SNX31: variants seen among roughly 807,000 people sequenced by gnomAD.
SNX31 encodes sorting nexin 31, also known as sorting nexin-31.
SNX31 carries 58 observed loss-of-function variants against 65.4 expected under a neutral mutation model. The ratio of observed to expected loss-of-function variants is 0.89; its 90% CI spans 0.72 to 1.10. The LOEUF is 1.10. SNX31 is among the 50% of genes least tolerant of loss of function. The pLI is 0.00. For missense variants in SNX31, 523 were observed against 529.7 expected, an observed-to-expected ratio of 0.99 and a Z score of 0.12; for synonymous variants, 181 against 190.1, an observed-to-expected ratio of 0.95 and a Z score of 0.39.
chr8:100,659,747 T>C (rs1009524891), intron 1 of SNX31, among the ~76,000 whole-genome samples: 3 of 152,224 alleles, frequency 2.0e-5, no homozygotes, highest in African/African-American at 4.8e-5. Context: ...TTGGTTTGGA[T>C]CTTTTGGCAA....
rs1814896710 is a variant in SNX31, at chr8:100,594,632, AAT to A, written c.978+2005_978+2006del. Reference sequence around the variant, plus strand: ...ATATTAGAATGACTACAATAAAAAAAATAGTGACAACACCAAATGCTGGTGAG... The same window carrying A: ...ATATTAGAATGACTACAATAAAAAAAAGTGACAACACCAAATGCTGGTGAG... On this transcript the variant is annotated intron_variant, in intron 10 of 13. Coordinates refer to ENST00000311812, the MANE Select transcript of SNX31 (RefSeq NM_152628.4). The surrounding 1 kb of genome is among the most constrained non-coding windows in gnomAD (Gnocchi z 4.0). 6.6e-6 allele frequency among the ~76,000 whole-genome samples: 1 copy of A among 152,264 alleles called. No individual in the cohort carries two copies. Among genetic ancestry groups the A allele is most frequent in the African/African-American group, 2.4e-5 (1 of 41,474 alleles).
chr8:100,581,515 T>C (rs1313294456), intron 12 of SNX31, among the ~76,000 whole-genome samples: 1 of 151,986 alleles, frequency 6.6e-6, no homozygotes, highest in Non-Finnish European at 1.5e-5. Flanking sequence ...AAGTTAACAA[T>C]ACATTTCTTT....
rs115332539 is a variant in SNX31 at position 100,605,407 on chromosome 8, T to C, written c.681+3087A>G. On this transcript the variant is annotated intron_variant, in intron 8 of 13. Transcript: ENST00000311812. ...TTGGACCCACCTTTGACTTCTTAGC[T>C]CCTCTACCCAGATTCAGGGAACAAT... 7.3e-3 allele frequency among the ~76,000 whole-genome samples: 1,107 copies of C among 152,190 alleles called. 21 individuals carry two copies. Among genetic ancestry groups the C allele is most frequent in the African/African-American group, 0.026 (1,063 of 41,506 alleles).
intron 4 of SNX31, chr8:100,618,007 C>A (rs1817377885): frequency 1.1e-6 from 1 of 873,424 alleles, no homozygotes; most frequent in African/African-American, 1.8e-5. Flanking sequence ...CTCAGGTGAT[C>A]CACCCTCCTT....
rs778796211 is a variant in SNX31 at position 100,625,409 on chromosome 8, A to G, written c.321+4918T>C. Among the ~76,000 whole-genome samples, 2 of 150,380 alleles carry G rather than the reference A, an allele frequency of 1.3e-5. No homozygotes were observed. Among genetic ancestry groups the G allele is most frequent in the Non-Finnish European group, 3.0e-5 (2 of 67,688 alleles). ...CTTGGATGCGCACCATGGCTATTAG[A>G]CATTCCTCTGCCTCAGAGCAGAATA... On this transcript the variant is annotated intron_variant, in intron 4 of 13. Transcript: ENST00000311812. The surrounding 1 kb of genome is among the most constrained non-coding windows in gnomAD (Gnocchi z 4.2).
intron 2 of SNX31, among the ~76,000 whole-genome samples, chr8:100,640,132 T>C (rs916684952): frequency 2.0e-5 from 3 of 152,106 alleles, no homozygotes; most frequent in Non-Finnish European, 2.9e-5. Flanking sequence ...TTTCTTTTCT[T>C]TTCTTTTTTT....
chr8:100,636,037 A>G, intron 2 of SNX31, 26 bp from the exon 3 acceptor site: 1 of 1,571,656 alleles, frequency 6.4e-7, no homozygotes, highest in Non-Finnish European at 8.8e-7. Context: ...AACACAGTTA[A>G]GGCAGGTGAG....
chr8:100,647,474 T>C (rs924224768), intron 2 of SNX31, among the ~76,000 whole-genome samples: 1 of 152,174 alleles, frequency 6.6e-6, no homozygotes, highest in Non-Finnish European at 1.5e-5. Context: ...TGAGTTTTCC[T>C]GAAAATAAGC....
In SNX31 at chr8:100,593,862, A is replaced by G. The variant is rs117128505; in HGVS notation, c.978+2777T>C. Among the ~76,000 whole-genome samples, 360 of 150,786 alleles carry G rather than the reference A, an allele frequency of 2.4e-3. 15 individuals are homozygous for G. In the East Asian group the frequency reaches 0.061, roughly 26 times the overall value. The stretch of plus-strand genomic sequence containing the variant: ...TAAAACTTTTAGGAAAAAAAATAGA[A>G]AAACTTCAGCATCTATAACAGGATT... On this transcript the variant is annotated intron_variant, in intron 10 of 13. Coordinates refer to ENST00000311812, the MANE Select transcript of SNX31 (RefSeq NM_152628.4).
intron 4 of SNX31, among the ~76,000 whole-genome samples, chr8:100,627,794 C>T (rs2131161638): frequency 6.6e-6 from 1 of 152,260 alleles, no homozygotes; most frequent in East Asian, 1.9e-4. Flanking sequence ...ACCTCAGCCT[C>T]CCAAAGTGCT....
chr8:100,587,753 A>G (rs1814180643), intron 11 of SNX31, among the ~76,000 whole-genome samples: 1 of 152,220 alleles, frequency 6.6e-6, no homozygotes, highest in Non-Finnish European at 1.5e-5. Flanking sequence ...AATTACCTTC[A>G]GGCTATGTGT....
At chr8:100,634,563 A>G (rs578232236) in intron 3 of SNX31, among the ~76,000 whole-genome samples, 2 of 152,190 alleles carry the variant, frequency 1.3e-5, no homozygotes, top group South Asian at 4.1e-4. Context: ...CCTGGCCAAC[A>G]TGGTGAAACC....
chr8:100,605,430 AATG>A (rs757369298), intron 8 of SNX31, among the ~76,000 whole-genome samples: 2 of 152,002 alleles, frequency 1.3e-5, no homozygotes, highest in African/African-American at 4.8e-5. Flanking sequence ...TTCAGGGAAC[AATG>A]ATGATGATGA....
chr8:100,632,560 A>T (rs1238272792), intron 3 of SNX31, among the ~76,000 whole-genome samples: 1 of 152,194 alleles, frequency 6.6e-6, no homozygotes, highest in Non-Finnish European at 1.5e-5. Context: ...AAAAGTCAAC[A>T]TACAGGAGAA....
In SNX31 at chr8:100,588,502, T is replaced by G. The variant is rs1481056480; in HGVS notation, c.1092+364A>C. Among the ~76,000 whole-genome samples the G allele has an allele frequency of 1.3e-5, 2 of 152,232 alleles. No homozygotes were observed. Among genetic ancestry groups the G allele is most frequent in the Non-Finnish European group, 2.9e-5 (2 of 68,038 alleles). On this transcript the variant is annotated intron_variant, in intron 11 of 13. Transcript: ENST00000311812. This position sits in a 1 kb window ranked among gnomAD's most constrained non-coding sequence, Gnocchi z 4.8. The stretch of plus-strand genomic sequence containing the variant: ...ACATAGCCAGACTCACTTGTTTATA[T>G]ACTGCCTATGGCTGCTTTTAACAGA...
chr8:100,625,127 C>G lies in SNX31; in HGVS notation c.321+5200G>C, dbSNP rs1238213170. ...CGTTTGGCCCAGCTGCCATACTTAT[C>G]TATAATGCAGCAGGAATGAAAAAAT... is the stretch of plus-strand genomic sequence containing the variant. On this transcript the variant is annotated intron_variant, in intron 4 of 13. Transcript: ENST00000311812. This position sits in a 1 kb window ranked among gnomAD's most constrained non-coding sequence, Gnocchi z 4.2. Among the ~76,000 whole-genome samples the G allele has an allele frequency of 2.6e-5, 4 of 152,038 alleles. No individual in the cohort carries two copies. Among genetic ancestry groups the G allele is most frequent in the Admixed American group, 2.0e-4 (3 of 15,246 alleles).
chr8:100,646,921 C>T (rs1394145283), intron 2 of SNX31, among the ~76,000 whole-genome samples: 3 of 152,198 alleles, frequency 2.0e-5, no homozygotes, highest in Admixed American at 1.3e-4. Context: ...GAAATCAAGT[C>T]CTGCCTCCAA....
In SNX31 at chr8:100,649,468, G is replaced by A. The variant is rs1158640074; in HGVS notation, c.47C>T (p.Ala16Val). 3 of 1,516,548 alleles carry A rather than the reference G, an allele frequency of 2.0e-6. No homozygotes were observed. Among genetic ancestry groups the A allele is most frequent in the Non-Finnish European group, 2.7e-6 (3 of 1,124,734 alleles). The allele number at this position is 1,516,548 out of a possible 1,614,324, so 93.9% of individuals were successfully genotyped here. ...GCGCACCACGTAGCGGCCCCCCAGC[G>A]CGTCGGACCGCTGCTGGGACACCGG... ...CIPVSQQRSD[A>V]LGGRYVLYSV... Residue 16 changes from alanine to valine, a missense_variant, in exon 1 of 14, where the codon GCG (alanine) becomes GTG (valine). Ala to Val is a moderately conservative substitution (Grantham distance 64). Transcript: ENST00000311812.
intron 4 of SNX31, chr8:100,619,951 T>C (rs1817561969): frequency 6.6e-6 from 1 of 152,146 alleles, no homozygotes. Context: ...GGAAGTAACC[T>C]CCTTTTTTTT....
Sources: gnomAD v4.1 joint callset for allele counts (sites outside exome capture counted in the v4.1 genomes callset) on GRCh38, gnomAD v4.1.1 for gene constraint, Gnocchi (gnomAD v3.1) non-coding constraint, MANE v1.5 for transcripts, NCBI Gene and HGNC (gene_info 2026-07-23, HGNC 2026-07-21) for gene names.